Variants in IFIH1 observed in about 807,000 individuals in gnomAD.
IFIH1 encodes interferon-induced helicase C domain-containing protein 1.
Under a neutral mutation model 107.4 loss-of-function variants are expected in IFIH1, and 125 were observed. The observed-to-expected ratio is 1.16, with a 90% CI of 1.01 to 1.35. The LOEUF (loss-of-function observed/expected upper bound fraction) is 1.35. IFIH1 is among the 40% of genes most tolerant of loss of function. The pLI, the probability that IFIH1 is intolerant of heterozygous loss-of-function variation, is 0.00. For missense variants in IFIH1, 1,333 were observed against 1,213.7 expected (o/e 1.10, Z -1.46); for synonymous variants, 458 against 413.2 (o/e 1.11, Z -1.31).
At position 162,277,283 on chromosome 2, in the gene IFIH1, G is replaced by C. The variant is rs892277070; in HGVS notation, c.2044+132C>G. On this transcript the variant is annotated intron_variant, in intron 10 of 15. Transcript: ENST00000649979. Reference sequence around the variant, plus strand: ...GGTAGCTAATCTGGTCATATCATTAGAAATAGTTCCAATCTGAGTGGGATT... The same window carrying C: ...GGTAGCTAATCTGGTCATATCATTACAAATAGTTCCAATCTGAGTGGGATT... 1.0e-5 allele frequency: 7 copies of C among 674,378 alleles called. No individual in the cohort carries two copies. In the Admixed American group the frequency reaches 1.8e-4, roughly 17 times the overall value. 41.8% of individuals were successfully genotyped at this position (674,378 alleles called of 1,614,324 possible).
Position 162,288,205 on chromosome 2 carries a change from A to G in IFIH1, c.1025T>C (p.Ile342Thr). The G allele has an allele frequency of 1.2e-6, 2 of 1,612,778 alleles. No individual in the cohort carries two copies. The highest frequency in any genetic ancestry group is 8.5e-7 in the Non-Finnish European group (1 of 1,179,230). ...GSGKTRVAVY[I>T]AKDHLDKKKK... ...CTTCTTGTCTAAGTGATCCTTGGCA[A>G]TGTAAACAGCCACTCTGGTTTTTCC... Residue 342 changes from isoleucine to threonine, a missense_variant, in exon 5 of 16, where the codon ATT becomes ACT. By Grantham distance (89) the Ile-to-Thr change is moderately conservative. Transcript: ENST00000649979.
intron 3 of IFIH1, among the ~76,000 whole-genome samples, chr2:162,305,687 G>A (rs1245218471): frequency 1.3e-5 from 2 of 152,154 alleles, no homozygotes; most frequent in African/African-American, 4.8e-5. Flanking sequence ...AACTTTTCAG[G>A]AATTTTCTGA....
intron 3 of IFIH1, among the ~76,000 whole-genome samples, chr2:162,305,510 C>T (rs1454273273): frequency 6.6e-6 from 1 of 151,988 alleles, no homozygotes; most frequent in African/African-American, 2.4e-5. Context: ...GTGAAGGATG[C>T]AGTGAGCCAA....
chr2:162,292,716 G>A lies in IFIH1; in HGVS notation c.874+848C>T, dbSNP rs562873238. ...TCATTTTTCCAATGCTTCTTAGCTGGCCCCTTGCAAAGCATTTTATTTTTG... is the reference window on the plus strand; with the variant it reads ...TCATTTTTCCAATGCTTCTTAGCTGACCCCTTGCAAAGCATTTTATTTTTG... On this transcript the variant is annotated intron_variant, in intron 4 of 15. Transcript: ENST00000649979. 4.6e-5 allele frequency among the ~76,000 whole-genome samples: 7 copies of A among 151,744 alleles called. No homozygotes were observed. In the South Asian group the frequency reaches 1.0e-3, roughly 23 times the overall value.
chr2:162,276,628 A>G (rs1380197760), intron 11 of IFIH1, 59 bp downstream of exon 11: 2 of 1,529,952 alleles, frequency 1.3e-6, no homozygotes, highest in East Asian at 4.5e-5. Flanking sequence ...AGAGAAGAAG[A>G]GAAGAGAAGA....
rs1270824603 is a variant in IFIH1 at position 162,288,364 on chromosome 2, G to A, written c.875-9C>T. ...TGCCACATTCTCTTCATCTGAAGAA[G>A]GTTGAAAAGAAAAATAAGAGAAGGG... On this transcript the variant is annotated splice_polypyrimidine_tract_variant and intron_variant, in intron 4 of 15. Coordinates refer to ENST00000649979, the MANE Select transcript of IFIH1 (RefSeq NM_022168.4). 6.2e-7 allele frequency: 1 copy of A among 1,602,418 alleles called. No homozygotes were observed. Among genetic ancestry groups the A allele is most frequent in the African/African-American group, 1.3e-5 (1 of 74,602 alleles).
At chr2:162,317,298 T>C (rs1358917826) in intron 1 of IFIH1, among the ~76,000 whole-genome samples, 2 of 152,166 alleles carry the variant, frequency 1.3e-5, no homozygotes, top group Admixed American at 6.5e-5. Flanking sequence ...CTGAAGACCA[T>C]TCTTAGCCTG....
intron 3 of IFIH1, among the ~76,000 whole-genome samples, chr2:162,305,189 T>C (rs1683259855): frequency 6.6e-6 from 1 of 152,218 alleles, no homozygotes; most frequent in Non-Finnish European, 1.5e-5. Flanking sequence ...AAGTGTAATA[T>C]CCACATTCTG....
chr2:162,308,658 G>A (rs572577910), intron 2 of IFIH1, among the ~76,000 whole-genome samples: 2 of 152,264 alleles, frequency 1.3e-5, no homozygotes, highest in Non-Finnish European at 2.9e-5. Flanking sequence ...GATTACAGGC[G>A]TGAGCCACCA....
At chr2:162,313,195 T>C (rs1463648582) in intron 1 of IFIH1, among the ~76,000 whole-genome samples, 1 of 152,150 alleles carries the variant, frequency 6.6e-6, no homozygotes, top group Admixed American at 6.5e-5. Flanking sequence ...GTACATCAGC[T>C]CCCTTTGAAG....
At chr2:162,310,626 G>A in intron 2 of IFIH1, 139 bp downstream of exon 2, 1 of 642,756 alleles carries the variant, frequency 1.6e-6, no homozygotes, top group Non-Finnish European at 2.7e-6. Context: ...TGATAAAATA[G>A]ATGATCTATC....
chr2:162,302,342 T>C (rs550628424), intron 3 of IFIH1, among the ~76,000 whole-genome samples: 25 of 152,336 alleles, frequency 1.6e-4, no homozygotes, highest in East Asian at 3.9e-4. Flanking sequence ...ATTATAAATA[T>C]CTTAATTTAA....
rs1379635816 is a variant in IFIH1, at chr2:162,314,462, TTCTTTCTTTCTTTCTTTCTTTC to T, written c.453+3371_453+3392del. 4.6e-4 allele frequency among the ~76,000 whole-genome samples: 61 copies of T among 133,676 alleles called. 11 individuals carry two copies. Among genetic ancestry groups the T allele is most frequent in the African/African-American group, 2.1e-3 (59 of 28,460 alleles). The allele number at this position is 133,676 out of a possible 152,430, so 87.7% of individuals were successfully genotyped here. A position where few individuals can be genotyped will look rare whatever the true frequency, so the allele number is the denominator to read the frequency against. ...TTTCTTTCTTTCTTTCTTTCTTTCT[TTCTTTCTTTCTTTCTTTCTTTC>T]TTTTTCTTTCTCTCTTTCTTATTAG... is the stretch of plus-strand genomic sequence containing the variant. On this transcript the variant is annotated intron_variant, in intron 1 of 15. Transcript: ENST00000649979.
At chr2:162,302,513 A>G (rs1683210554) in intron 3 of IFIH1, among the ~76,000 whole-genome samples, 1 of 152,242 alleles carries the variant, frequency 6.6e-6, no homozygotes, top group East Asian at 1.9e-4. Context: ...TCAAGAAGAT[A>G]CACAAAACAA....
In IFIH1 at chr2:162,277,625, G is replaced by T. The variant is rs780212949; in HGVS notation, c.1834C>A (p.Gln612Lys). The T allele has an allele frequency of 5.6e-6, 9 of 1,613,004 alleles. No individual in the cohort carries two copies. Residue 612 changes from glutamine (Q) to lysine (K), a missense_variant, in exon 10 of 16, where the codon CAA becomes AAA. Transcript: ENST00000649979. ...ATCATTCGAATTGTGTCATTAATTT[G>T]TAGGGCCTCATTGTACTTCCTCAAA... ...EHLRKYNEAL[Q>K]INDTIRMIDA...
chr2:162,290,867 T>C (rs1286315349), intron 4 of IFIH1, among the ~76,000 whole-genome samples: 1 of 151,806 alleles, frequency 6.6e-6, no homozygotes, highest in Admixed American at 6.6e-5. Context: ...CCTTATCACA[T>C]CCTCTGACAC....
intron 4 of IFIH1, among the ~76,000 whole-genome samples, chr2:162,290,041 G>T (rs937530221): frequency 2.0e-5 from 3 of 151,816 alleles, no homozygotes; most frequent in African/African-American, 7.2e-5. Flanking sequence ...TTCCAAAAGA[G>T]CCAGTATATT....
At chr2:162,293,832 A>G (rs1286162853) in intron 3 of IFIH1, among the ~76,000 whole-genome samples, 164 bp from the exon 4 acceptor site, 1 of 151,956 alleles carries the variant, frequency 6.6e-6, no homozygotes, top group Non-Finnish European at 1.5e-5. Context: ...AGGCTACATT[A>G]AGAAAAATCC....
intron 14 of IFIH1, 85 bp from the exon 15 acceptor site, chr2:162,267,654 A>T (rs775005998): frequency 1.1e-4 from 108 of 976,986 alleles, no homozygotes; most frequent in Admixed American, 2.0e-4. Context: ...CCTGGAGCTC[A>T]TCCGCATGCC....
Sources: gnomAD v4.1 joint callset for allele counts (sites outside exome capture counted in the v4.1 genomes callset) on GRCh38, gnomAD v4.1.1 for gene constraint, MANE v1.5 for transcripts, NCBI Gene and HGNC (gene_info 2026-07-23, HGNC 2026-07-21) for gene names.